HEG1: variants seen among roughly 807,000 people sequenced by gnomAD.
The protein encoded by HEG1 is heart development protein with EGF like domains 1.
Under a neutral mutation model 125.6 loss-of-function variants are expected in HEG1, and 56 were observed. The ratio of observed to expected loss-of-function variants is 0.45; its 90% CI spans 0.36 to 0.56. The LOEUF (loss-of-function observed/expected upper bound fraction) is 0.56, where lower values mean the gene tolerates loss of function less well. Among genes scored for constraint, HEG1 ranks in the 20% least tolerant of loss-of-function variants. The pLI, the probability that HEG1 is intolerant of heterozygous loss-of-function variation, is 0.00. For synonymous variants in HEG1, 644 were observed against 668.5 expected (o/e 0.96, Z 0.57); for missense variants, 1,523 against 1,670.0 (o/e 0.91, Z 1.53).
intron 15 of HEG1, among the ~76,000 whole-genome samples, chr3:124,974,109 C>T (rs927068225): frequency 3.3e-5 from 5 of 151,888 alleles, no homozygotes; most frequent in African/African-American, 1.2e-4. Context: ...AAAAAAGATA[C>T]AAAAATTCTT....
chr3:125,027,296 A>G lies in HEG1; in HGVS notation c.822T>C (p.Pro274=), dbSNP rs1041062788. The change falls in exon 3 of 17, where the codon CCT becomes CCC. Residue 274 remains proline, a synonymous_variant. Transcript: ENST00000311127. ...PALEMGELTT[P]SRKRNSSGPD... is the part of the protein sequence containing the mutation. ...GTCCTGAGGAATTTCTCTTCCTAGA[A>G]GGCGTGGTCAGCTCTCCCATCTCCA... 1 of 1,613,714 alleles carries G rather than the reference A, an allele frequency of 6.2e-7. No individual in the cohort carries two copies. Among genetic ancestry groups the G allele is most frequent in the African/African-American group, 1.3e-5 (1 of 74,912 alleles).
chr3:124,991,677 T>C (rs1936836564), intron 12 of HEG1, among the ~76,000 whole-genome samples: 1 of 152,104 alleles, frequency 6.6e-6, no homozygotes, highest in Non-Finnish European at 1.5e-5. Flanking sequence ...AGTGGCACTA[T>C]CTTGGCTCAC....
intron 1 of HEG1, among the ~76,000 whole-genome samples, chr3:125,047,560 T>C (rs992299196): frequency 1.3e-5 from 2 of 151,724 alleles, no homozygotes; most frequent in South Asian, 4.2e-4. Context: ...CCAGCAGGGC[T>C]CTCGTCTACA....
At chr3:124,983,419 C>T (rs1397236745) in intron 14 of HEG1, among the ~76,000 whole-genome samples, 1 of 131,354 alleles carries the variant, frequency 7.6e-6, no homozygotes, top group African/African-American at 3.1e-5. Flanking sequence ...TCACTGTAAC[C>T]TCACCCCCCA....
chr3:124,978,451 A>C (rs1936587089), intron 14 of HEG1, among the ~76,000 whole-genome samples: 1 of 152,106 alleles, frequency 6.6e-6, no homozygotes, highest in South Asian at 2.1e-4. Flanking sequence ...CCGGCCGAAA[A>C]GCTCCCTTTT....
chr3:125,047,824 C>T (rs377535959), intron 1 of HEG1, among the ~76,000 whole-genome samples: 1 of 152,322 alleles, frequency 6.6e-6, no homozygotes, highest in East Asian at 1.9e-4. Flanking sequence ...CTACTCCTTC[C>T]TCCAATTTGA....
Position 125,013,973 on chromosome 3 carries a change from C to A in HEG1, c.1606G>T (p.Gly536Cys). The change falls in exon 6 of 17, where the codon GGT becomes TGT. Residue 536 changes from glycine (G) to cysteine (C), a missense_variant. Gly to Cys is a radical substitution (Grantham distance 159). Transcript: ENST00000311127. ...TCAATAGCTGTGCCACGCACTTGACCGTAGCTAATCCCAGCGACTGTAAAC... is the reference window on the plus strand; with the variant it reads ...TCAATAGCTGTGCCACGCACTTGACAGTAGCTAATCCCAGCGACTGTAAAC... ...GERSIAGISY[G>C]QVRGTAIEQR... 6.2e-7 allele frequency: 1 copy of A among 1,604,398 alleles called. No individual in the cohort carries two copies. The highest frequency in any genetic ancestry group is 8.5e-7 in the Non-Finnish European group (1 of 1,176,360).
intron 14 of HEG1, among the ~76,000 whole-genome samples, chr3:124,983,405 C>T (rs1302797556): frequency 7.2e-6 from 1 of 138,346 alleles, no homozygotes; most frequent in African/African-American, 2.8e-5. Context: ...GGCATGATTA[C>T]ATCTCACTGT....
At chr3:125,022,550 A>T (rs751983774) in intron 3 of HEG1, among the ~76,000 whole-genome samples, 3 of 152,152 alleles carry the variant, frequency 2.0e-5, no homozygotes, top group Non-Finnish European at 4.4e-5. Flanking sequence ...GATGCAGGCA[A>T]TCTATAAAAC....
At position 124,965,910 on chromosome 3, in the gene HEG1, G is replaced by A. The variant is rs1464400686; in HGVS notation, c.*4742C>T. The A allele has an allele frequency of 6.6e-6, 1 of 152,124 alleles. No homozygotes were observed. Among genetic ancestry groups the A allele is most frequent in the East Asian group, 1.9e-4 (1 of 5,198 alleles). The allele number at this position is 152,124 out of a possible 1,614,324, so 9.4% of individuals were successfully genotyped here. On this transcript the variant is annotated 3_prime_UTR_variant, in exon 17 of 17. Coordinates refer to ENST00000311127, the MANE Select transcript of HEG1 (RefSeq NM_020733.2). ...TTAACACAATCAACCAGGGGCTAAG[G>A]TTTAAAGGTTTACAAAGAGAAATCC... is the stretch of plus-strand genomic sequence containing the variant.
chr3:125,012,794 TG>T lies in HEG1; in HGVS notation c.2784del (p.Thr929GlnfsTer63). On this transcript the variant is annotated frameshift_variant, in exon 6 of 17. Transcript: ENST00000311127. LOFTEE classifies it high-confidence loss of function. ...TSVPTSAKEM[T>X]TKLGVTAEYS... Reference sequence around the variant, plus strand: ...TACTCTGCTGTAACGCCAAGCTTTGTGGTCATTTCTTTTGCTGATGTGGGTA... The same window carrying T: ...TACTCTGCTGTAACGCCAAGCTTTGTGTCATTTCTTTTGCTGATGTGGGTA... The T allele has an allele frequency of 6.2e-7, 1 of 1,614,064 alleles. No individual in the cohort carries two copies. Among genetic ancestry groups the T allele is most frequent in the Non-Finnish European group, 8.5e-7 (1 of 1,179,904 alleles).
chr3:125,019,390 T>C lies in HEG1; in HGVS notation c.1460A>G (p.Gln487Arg), dbSNP rs1430012538. The change falls in exon 5 of 17, where the codon CAG (glutamine) becomes CGG (arginine). Residue 487 changes from glutamine to arginine, a missense_variant. Transcript: ENST00000311127. Reference sequence around the variant, plus strand: ...AGACTGTACAGTAGAGTCTGAGAACTGGGTCAACACTGAAGCATTCACACC... The same window carrying C: ...AGACTGTACAGTAGAGTCTGAGAACCGGGTCAACACTGAAGCATTCACACC... ...PEGVNASVLT[Q>R]FSDSTVQSGG... The C allele has an allele frequency of 1.9e-6, 3 of 1,613,946 alleles. No individual in the cohort carries two copies. Among genetic ancestry groups the C allele is most frequent in the Admixed American group, 1.7e-5 (1 of 60,008 alleles).
Position 124,981,852 on chromosome 3 carries a change from G to GCA in HEG1, c.3734-3908_3734-3907dup, listed in dbSNP as rs201017901. 2.7e-4 allele frequency among the ~76,000 whole-genome samples: 40 copies of GCA among 150,894 alleles called. No individual in the cohort carries two copies. In the Middle Eastern group the frequency reaches 0.01, roughly 39 times the overall value. On this transcript the variant is annotated intron_variant, in intron 14 of 16. Coordinates refer to ENST00000311127, the MANE Select transcript of HEG1 (RefSeq NM_020733.2). ...AAATTTTATTTACATATTTACATAT[G>GCA]CACACACACACACACACCCCTCCCT...
At chr3:125,039,679 T>C (rs746431133) in intron 1 of HEG1, among the ~76,000 whole-genome samples, 3 of 152,138 alleles carry the variant, frequency 2.0e-5, no homozygotes, top group Non-Finnish European at 4.4e-5. Context: ...ATTATCCTCA[T>C]ATAGCACATG....
At chr3:125,025,471 A>C (rs1318432272) in intron 3 of HEG1, among the ~76,000 whole-genome samples, 1 of 152,232 alleles carries the variant, frequency 6.6e-6, no homozygotes, top group Non-Finnish European at 1.5e-5. Flanking sequence ...GATACGATGA[A>C]ACTCACCAGC....
chr3:124,972,979 C>A (rs1394852293), intron 16 of HEG1, among the ~76,000 whole-genome samples: 7 of 151,620 alleles, frequency 4.6e-5, no homozygotes. Flanking sequence ...TTCCCCATCC[C>A]CTAGTTGGTT....
At chr3:125,029,561 C>T (rs1453548319) in intron 1 of HEG1, 73 bp from the exon 2 acceptor site, 8 of 1,422,890 alleles carry the variant, frequency 5.6e-6, no homozygotes, top group Admixed American at 1.9e-5. Context: ...TCAGAAAAGA[C>T]ACCGTGAAAT....
At chr3:124,991,875 A>G (rs1015810564) in intron 12 of HEG1, among the ~76,000 whole-genome samples, 1 of 152,188 alleles carries the variant, frequency 6.6e-6, no homozygotes, top group African/African-American at 2.4e-5. Flanking sequence ...CTCCCAAAGT[A>G]CTAGGATTAA....
intron 12 of HEG1, among the ~76,000 whole-genome samples, chr3:124,992,138 G>A (rs1043602428): frequency 3.3e-5 from 5 of 152,284 alleles, no homozygotes; most frequent in South Asian, 2.1e-4. Context: ...CCAGGTTTTC[G>A]TAACAGAATG....
Sources: gnomAD v4.1 joint callset for allele counts (sites outside exome capture counted in the v4.1 genomes callset) on GRCh38, gnomAD v4.1.1 for gene constraint, MANE v1.5 for transcripts, NCBI Gene and HGNC (gene_info 2026-07-23, HGNC 2026-07-21) for gene names.